Variants in BAG3 observed in about 807,000 individuals in gnomAD.
BAG3 encodes BAG cochaperone 3, also known as BAG family molecular chaperone regulator 3.
A neutral mutation model predicts 40.5 loss-of-function variants in BAG3; 14 were observed. That is an observed-to-expected ratio of 0.35 (90% CI 0.23 to 0.54). The LOEUF (loss-of-function observed/expected upper bound fraction) is 0.54. Ranked by LOEUF, BAG3 falls within the 20% of genes least tolerant of loss-of-function variation. The probability of loss-of-function intolerance (pLI) is 0.91; values close to 1 mark genes in which losing one functional copy is unlikely to be tolerated. For missense variants in BAG3, 788 were observed against 758.6 expected (o/e 1.04, Z -0.46); for synonymous variants, 302 against 307.8 (o/e 0.98, Z 0.20).
rs1393181351 is a variant in BAG3 at position 119,676,551 on chromosome 10, C to T, written c.997C>T (p.Pro333Ser). Residue 333 changes from proline to serine, a missense_variant, in exon 4 of 4, where the codon CCT (proline) becomes TCT (serine). Pro to Ser is a moderately conservative substitution (Grantham distance 74). Coordinates refer to ENST00000369085, the MANE Select transcript of BAG3 (RefSeq NM_004281.4). ...GCCAGGCCCAGTTGGACCAGAACTC[C>T]CTCCTGGACACATCCCAATTCAAGT... Reference protein sequence around the residue: ...SKPGPVGPELPPGHIPIQVIR... With the variant: ...SKPGPVGPELSPGHIPIQVIR... The T allele has an allele frequency of 2.0e-5, 32 of 1,613,962 alleles. No homozygotes were observed. Among genetic ancestry groups the T allele is most frequent in the Non-Finnish European group, 2.5e-5 (29 of 1,180,026 alleles).
intron 1 of BAG3, among the ~76,000 whole-genome samples, chr10:119,653,815 C>T (rs376035093): frequency 4.7e-4 from 71 of 152,238 alleles, no homozygotes; most frequent in African/African-American, 1.7e-3. Context: ...CAGGAAAGTC[C>T]TAATAAGAGG....
chr10:119,651,623 G>C lies in BAG3; in HGVS notation c.-53G>C, dbSNP rs1251299901. 6 of 1,441,578 alleles carry C rather than the reference G, an allele frequency of 4.2e-6. No individual in the cohort carries two copies. Among genetic ancestry groups the C allele is most frequent in the African/African-American group, 1.5e-5 (1 of 67,446 alleles). The allele number at this position is 1,441,578 out of a possible 1,614,324, so 89.3% of individuals were successfully genotyped here. On this transcript the variant is annotated 5_prime_UTR_variant, in exon 1 of 4. Coordinates refer to ENST00000369085, the MANE Select transcript of BAG3 (RefSeq NM_004281.4). ...GCGGCGGCCCGGCCAGAGACTCGGC[G>C]CCCGGAGCCAGCGCCCCGCACCCGC...
Position 119,677,136 on chromosome 10 carries a change from G to C in BAG3, c.1582G>C (p.Gly528Arg), listed in dbSNP as rs752007619. The C allele has an allele frequency of 1.9e-6, 3 of 1,614,000 alleles. No individual in the cohort carries two copies. The highest frequency in any genetic ancestry group is 4.5e-5 in the East Asian group (2 of 44,888). ...GCCACTGCAGGCAATCATGGAGATG[G>C]GTGCCGTGGCAGCAGACAAGGGCAA... ...DQPLQAIMEM[G>R]AVAADKGKKN... The change falls in exon 4 of 4, where the codon GGT becomes CGT. Residue 528 changes from glycine to arginine, a missense_variant. Coordinates refer to ENST00000369085, the MANE Select transcript of BAG3 (RefSeq NM_004281.4).
chr10:119,663,424 T>C (rs1444228426), intron 1 of BAG3, among the ~76,000 whole-genome samples: 2 of 152,132 alleles, frequency 1.3e-5, no homozygotes, highest in Non-Finnish European at 2.9e-5. Context: ...ATCATCAACT[T>C]CCTAAGCAGC....
At chr10:119,666,256 C>A (rs75603439) in intron 1 of BAG3, among the ~76,000 whole-genome samples, 9,926 of 152,186 alleles carry the variant, frequency 0.065, 365 homozygotes, top group Middle Eastern at 0.14. Context: ...TGGACCTCAG[C>A]CCCCACTTCC....
At chr10:119,661,409 C>T (rs552690103) in intron 1 of BAG3, among the ~76,000 whole-genome samples, 9 of 152,204 alleles carry the variant, frequency 5.9e-5, no homozygotes, top group East Asian at 3.9e-4. Flanking sequence ...TTTACAGCTG[C>T]GGAAACAGTA....
chr10:119,667,009 C>T (rs1589627413), intron 1 of BAG3, among the ~76,000 whole-genome samples: 2 of 152,188 alleles, frequency 1.3e-5, no homozygotes, highest in Non-Finnish European at 2.9e-5. Context: ...CAAAGTCTTG[C>T]TCTATTGCCC....
chr10:119,673,589 A>G (rs1847181208), intron 3 of BAG3, among the ~76,000 whole-genome samples: 1 of 152,228 alleles, frequency 6.6e-6, no homozygotes, highest in South Asian at 2.1e-4. Flanking sequence ...TGAGCAGCTG[A>G]ATGCTACAGT....
Position 119,669,916 on chromosome 10 carries a change from C to T in BAG3, c.246C>T (p.Gly82=). 1 of 1,614,220 alleles carries T rather than the reference C, an allele frequency of 6.2e-7. No individual in the cohort carries two copies. Among genetic ancestry groups the T allele is most frequent in the African/African-American group, 1.3e-5 (1 of 75,056 alleles). ...EGSRLPPARE[G]HPVYPQLRPG... is the part of the protein sequence containing the mutation. The stretch of plus-strand genomic sequence containing the variant: ...CTAGGCTGCCGCCTGCTAGGGAAGG[C>T]CACCCTGTGTACCCCCAGCTCCGAC... Residue 82 remains glycine (G), a synonymous_variant, in exon 2 of 4, where the codon GGC becomes GGT. Coordinates refer to ENST00000369085, the MANE Select transcript of BAG3 (RefSeq NM_004281.4).
intron 3 of BAG3, among the ~76,000 whole-genome samples, chr10:119,676,098 A>T (rs1015110408): frequency 6.7e-6 from 1 of 150,308 alleles, no homozygotes; most frequent in Non-Finnish European, 1.5e-5. Flanking sequence ...GCTAATTTTT[A>T]AAGATTTTTT....
intron 1 of BAG3, among the ~76,000 whole-genome samples, chr10:119,668,240 G>A (rs141477801): frequency 2.2e-4 from 34 of 152,346 alleles, no homozygotes; most frequent in African/African-American, 8.2e-4. Context: ...GCCTGAAAGG[G>A]CTAAACCAGG....
Position 119,672,720 on chromosome 10 carries a change from T to G in BAG3, c.909+64T>G. ...TATGTCTCCAGGGGTGCAGGAGCTC[T>G]GTGGGTGCCCTGGGTTCCCCCTTCA... is the stretch of plus-strand genomic sequence containing the variant. On this transcript the variant is annotated intron_variant, in intron 3 of 3. Transcript: ENST00000369085. The surrounding 1 kb of genome is among the most constrained non-coding windows in gnomAD (Gnocchi z 4.8). The G allele has an allele frequency of 1.7e-5, 27 of 1,597,744 alleles. No individual in the cohort carries two copies. Among genetic ancestry groups the G allele is most frequent in the East Asian group, 2.2e-5 (1 of 44,834 alleles).
Position 119,676,526 on chromosome 10 carries a change from G to A in BAG3, c.972G>A (p.Lys324=). The change falls in exon 4 of 4, where the codon AAG becomes AAA. Residue 324 remains lysine (K), a synonymous_variant. Coordinates refer to ENST00000369085, the MANE Select transcript of BAG3 (RefSeq NM_004281.4). The part of the protein sequence containing the change: ...VSQPENKPES[K]PGPVGPELPP... ...AGCCTGAAAACAAACCAGAAAGTAA[G>A]CCAGGCCCAGTTGGACCAGAACTCC... is the stretch of plus-strand genomic sequence containing the variant. 1.2e-6 allele frequency: 2 copies of A among 1,613,886 alleles called. No individual in the cohort carries two copies. The highest frequency in any genetic ancestry group is 1.7e-6 in the Non-Finnish European group (2 of 1,179,990).
chr10:119,651,875 C>T lies in BAG3; in HGVS notation c.180+20C>T, dbSNP rs561298142. On this transcript the variant is annotated intron_variant, in intron 1 of 3. Coordinates refer to ENST00000369085, the MANE Select transcript of BAG3 (RefSeq NM_004281.4). ...CCCAAGGTGAGCCGGGCCCGCGGCC[C>T]GCCCTGGTCGGTGGCGCCACCTCGA... is the stretch of plus-strand genomic sequence containing the variant. The T allele has an allele frequency of 7.9e-6, 12 of 1,518,484 alleles. No homozygotes were observed. The South Asian group carries it at 1.1e-4, about 14-fold the overall frequency. 94.1% of individuals were successfully genotyped at this position (1,518,484 alleles called of 1,614,324 possible). A position where few individuals can be genotyped will look rare whatever the true frequency, so the allele number is the denominator to read the frequency against.
intron 1 of BAG3, among the ~76,000 whole-genome samples, chr10:119,660,010 C>T (rs901876787): frequency 4.6e-5 from 7 of 152,168 alleles, no homozygotes; most frequent in African/African-American, 1.7e-4. Flanking sequence ...CAGTTCCTAC[C>T]TCTGCCACAT....
intron 1 of BAG3, among the ~76,000 whole-genome samples, chr10:119,660,118 G>T (rs1025640890): frequency 6.6e-6 from 1 of 152,232 alleles, no homozygotes; most frequent in Non-Finnish European, 1.5e-5. Context: ...TGCGGATGGT[G>T]CCTGGCCTGG....
Position 119,676,852 on chromosome 10 carries a change from A to G in BAG3, c.1298A>G (p.Gln433Arg), listed in dbSNP as rs886046755. 8.7e-6 allele frequency: 14 copies of G among 1,614,186 alleles called. No individual in the cohort carries two copies. The highest frequency in any genetic ancestry group is 1.2e-5 in the Non-Finnish European group (14 of 1,180,014). Residue 433 changes from glutamine (Q) to arginine (R), a missense_variant, in exon 4 of 4, where the codon CAG becomes CGG. Gln to Arg is a conservative substitution (Grantham distance 43). Transcript: ENST00000369085. The stretch of plus-strand genomic sequence containing the variant: ...GTGGAAGCCATCCTGGAGAAGGTAC[A>G]GGGGCTGGAGCAGGCTGTAGACAAC... ...LKVEAILEKV[Q>R]GLEQAVDNFE... is the part of the protein sequence containing the mutation.
chr10:119,677,592 A>G lies in BAG3; in HGVS notation c.*310A>G. On this transcript the variant is annotated 3_prime_UTR_variant, in exon 4 of 4. Transcript: ENST00000369085. ...GCTGTGGTTGTGCACTGTCTTTTGT[A>G]GCTCTGGACTGGAGGGGTAGATGGG... The G allele has an allele frequency of 2.2e-6, 1 of 447,664 alleles. No homozygotes were observed. The highest frequency in any genetic ancestry group is 4.1e-6 in the Non-Finnish European group (1 of 244,092). The allele number at this position is 447,664 out of a possible 1,614,324, so 27.7% of individuals were successfully genotyped here.
intron 1 of BAG3, among the ~76,000 whole-genome samples, chr10:119,658,740 C>G (rs149424899): frequency 6.6e-6 from 1 of 152,310 alleles, no homozygotes; most frequent in East Asian, 1.9e-4. Flanking sequence ...TTAGGCAAAG[C>G]ACTTACCCTT....
Sources: gnomAD v4.1 joint callset for allele counts (sites outside exome capture counted in the v4.1 genomes callset) on GRCh38, gnomAD v4.1.1 for gene constraint, Gnocchi (gnomAD v3.1) non-coding constraint, MANE v1.5 for transcripts, NCBI Gene and HGNC (gene_info 2026-07-23, HGNC 2026-07-21) for gene names.